DDB2: variants seen among roughly 807,000 people sequenced by gnomAD.
DDB2 encodes DNA damage-binding protein 2.
In DDB2, 27 loss-of-function variants were observed where a neutral mutation model predicts 50.5. The ratio of observed to expected loss-of-function variants is 0.53; its 90% CI spans 0.39 to 0.74. The LOEUF is 0.74. Ranked by LOEUF, DDB2 falls within the 30% of genes least tolerant of loss-of-function variation. The pLI is 0.00. For synonymous variants in DDB2, 176 were observed against 205.5 expected, an observed-to-expected ratio of 0.86 and a Z score of 1.23; for missense variants, 424 against 545.6, an observed-to-expected ratio of 0.78 and a Z score of 2.22.
chr11:47,232,031 AG>A (rs1415951406), intron 3 of DDB2, among the ~76,000 whole-genome samples: 1 of 152,100 alleles, frequency 6.6e-6, no homozygotes, highest in Non-Finnish European at 1.5e-5. Flanking sequence ...TAAAAAAAAA[AG>A]TAAAAATAAA....
In DDB2 at chr11:47,235,356, C is replaced by T. The variant is rs746711900; in HGVS notation, c.967C>T (p.Pro323Ser). 6.2e-7 allele frequency: 1 copy of T among 1,613,954 alleles called. No individual in the cohort carries two copies. The highest frequency in any genetic ancestry group is 8.5e-7 in the Non-Finnish European group (1 of 1,180,032). The change falls in exon 7 of 10, where the codon CCC becomes TCC. Residue 323 changes from proline to serine, a missense_variant. By Grantham distance (74) the Pro-to-Ser change is moderately conservative. Coordinates refer to ENST00000256996, the MANE Select transcript of DDB2 (RefSeq NM_000107.3). ...RVYSASQWDC[P>S]LGLIPHPHRH... Reference sequence around the variant, plus strand: ...TTACTCTGCTTCCCAGTGGGACTGCCCCCTGGGCCTGATCCCGCACCCTCA... The same window carrying T: ...TTACTCTGCTTCCCAGTGGGACTGCTCCCTGGGCCTGATCCCGCACCCTCA...
rs1158379835 is a variant in DDB2, at chr11:47,235,222, A to C, written c.881-48A>C. On this transcript the variant is annotated intron_variant, in intron 6 of 9. Coordinates refer to ENST00000256996, the MANE Select transcript of DDB2 (RefSeq NM_000107.3). ...GGAGAAGGCCTGCAAGGCCAGGACC[A>C]CAGAGGGCTTGTGGTTCCTTCAGCT... The C allele has an allele frequency of 6.2e-6, 10 of 1,613,934 alleles. 1 individual carries two copies. The highest frequency in any genetic ancestry group is 3.3e-4 in the Middle Eastern group (2 of 6,084).
chr11:47,227,659 G>A (rs988126923), intron 3 of DDB2, among the ~76,000 whole-genome samples: 5 of 151,960 alleles, frequency 3.3e-5, no homozygotes, highest in South Asian at 4.2e-4. Flanking sequence ...CCACCACCAC[G>A]CCCAGCTGGC....
Position 47,217,026 on chromosome 11 carries a change from G to A in DDB2, c.433G>A (p.Asp145Asn), listed in dbSNP as rs1953409342. ...CATGCTCTGGAATTTTGGCATCAAG[G>A]ACAAACCCACCTTCATCAAAGGGGT... ...DIMLWNFGIKDKPTFIKGIGA... is the reference protein window; with the variant it reads ...DIMLWNFGIKNKPTFIKGIGA... Residue 145 changes from aspartate to asparagine, a missense_variant, in exon 3 of 10, where the codon GAC becomes AAC. Asp to Asn is a conservative substitution (Grantham distance 23). Coordinates refer to ENST00000256996, the MANE Select transcript of DDB2 (RefSeq NM_000107.3). The A allele has an allele frequency of 6.2e-7, 1 of 1,614,052 alleles. No homozygotes were observed. Among genetic ancestry groups the A allele is most frequent in the Non-Finnish European group, 8.5e-7 (1 of 1,179,998 alleles).
At chr11:47,229,088 A>C (rs1317029811) in intron 3 of DDB2, among the ~76,000 whole-genome samples, 1 of 151,744 alleles carries the variant, frequency 6.6e-6, no homozygotes, top group Non-Finnish European at 1.5e-5. Flanking sequence ...AGGTAGGATC[A>C]AGCAAGATAG....
rs201525567 is a variant in DDB2, at chr11:47,234,642, C to T, written c.672C>T (p.Asn224=). 7 of 1,614,028 alleles carry T rather than the reference C, an allele frequency of 4.3e-6. No individual in the cohort carries two copies. Among genetic ancestry groups the T allele is most frequent in the South Asian group, 1.1e-5 (1 of 91,090 alleles). The part of the protein sequence containing the change: ...RMVVTGDNVG[N]VILLNMDGKE... ...TGGTCACAGGAGACAACGTGGGGAA[C>T]GTGATCCTGCTGAACATGGACGGCA... The change falls in exon 5 of 10, where the codon AAC becomes AAT. Residue 224 remains asparagine (N), a synonymous_variant. Transcript: ENST00000256996.
At chr11:47,214,962 G>A, upstream of DDB2, 1 of 885,734 alleles carries the variant, frequency 1.1e-6, no homozygotes, top group East Asian at 2.6e-5. Flanking sequence ...GGTGGGGCCG[G>A]AGCTCCAAGC....
chr11:47,225,799 A>C (rs1158097338), intron 3 of DDB2, among the ~76,000 whole-genome samples: 1 of 152,154 alleles, frequency 6.6e-6, no homozygotes, highest in Non-Finnish European at 1.5e-5. Context: ...TGGCAACCAC[A>C]GTACTACTTT....
intron 3 of DDB2, among the ~76,000 whole-genome samples, chr11:47,228,642 CAA>C (rs61273211): frequency 5.7e-4 from 38 of 66,890 alleles, no homozygotes; most frequent in Admixed American, 1.1e-3. Context: ...GACTCTGTCT[CAA>C]AAAAAAAAAA....
rs1953704964 is a variant in DDB2 at position 47,235,046 on chromosome 11, T to C, written c.880+112T>C. 2.9e-6 allele frequency: 4 copies of C among 1,364,676 alleles called. No individual in the cohort carries two copies. The South Asian group carries it at 3.7e-5, about 12-fold the overall frequency. 84.5% of individuals were successfully genotyped at this position (1,364,676 alleles called of 1,614,324 possible). The stretch of plus-strand genomic sequence containing the variant: ...TCAAACCTTTACCCCTGATAGCGTC[T>C]GCCAAGCTGATGTCTGGGAACCTTT... On this transcript the variant is annotated intron_variant, in intron 6 of 9. Coordinates refer to ENST00000256996, the MANE Select transcript of DDB2 (RefSeq NM_000107.3).
intron 3 of DDB2, among the ~76,000 whole-genome samples, chr11:47,223,709 G>A (rs1765357368): frequency 6.6e-6 from 1 of 152,134 alleles, no homozygotes; most frequent in Admixed American, 6.5e-5. Flanking sequence ...GTGAACCCAG[G>A]AGGCAGAGCT....
In DDB2 at chr11:47,237,395, A is replaced by G. The variant is rs1953742227; in HGVS notation, c.1024-442A>G. The stretch of plus-strand genomic sequence containing the variant: ...ATTCTTGTAGTTTTCTGTAAGACTT[A>G]TCTCCATTATTAGGTTGGCTTGTTA... On this transcript the variant is annotated intron_variant, in intron 7 of 9. Transcript: ENST00000256996. Among the ~76,000 whole-genome samples the G allele has an allele frequency of 2.0e-5, 3 of 150,366 alleles. No individual in the cohort carries two copies. In the South Asian group the frequency reaches 6.3e-4, roughly 31 times the overall value.
chr11:47,216,343 CAGA>C lies in DDB2; in HGVS notation c.139_141del (p.Arg47del), dbSNP rs1216405076. On this transcript the variant is annotated inframe_deletion, in exon 2 of 10. Coordinates refer to ENST00000256996, the MANE Select transcript of DDB2 (RefSeq NM_000107.3). ...GTCTGTTCTGCTTGGCAGGTCCTAG[CAGA>C]AGATGTGACTCAGACTGCCTCTGGG... 13 of 1,614,036 alleles carry C rather than the reference CAGA, an allele frequency of 8.1e-6. No homozygotes were observed. The highest frequency in any genetic ancestry group is 1.6e-4 in the Middle Eastern group (1 of 6,084).
At chr11:47,214,718 C>T (rs1265918147), upstream of DDB2, 19 of 323,724 alleles carry the variant, frequency 5.9e-5, no homozygotes, top group East Asian at 3.1e-4. Flanking sequence ...CTGCACTGAG[C>T]TATGATCGCC....
chr11:47,215,904 C>A, intron 1 of DDB2: 1 of 308,940 alleles, frequency 3.2e-6, no homozygotes. Context: ...ATTTCCAGGC[C>A]TTCCTATTCC....
chr11:47,233,169 G>C, intron 4 of DDB2: 1 of 628,680 alleles, frequency 1.6e-6, no homozygotes, highest in Non-Finnish European at 2.9e-6. Flanking sequence ...AGGTGTTCTG[G>C]AGCCTCAGCT....
At chr11:47,229,343 G>T (rs1953609927) in intron 3 of DDB2, among the ~76,000 whole-genome samples, 1 of 152,182 alleles carries the variant, frequency 6.6e-6, no homozygotes, top group Admixed American at 6.6e-5. Context: ...GGGTGGCGGA[G>T]TCAAGTGGGG....
Position 47,234,881 on chromosome 11 carries a change from G to A in DDB2, c.827G>A (p.Arg276Lys), listed in dbSNP as rs748644904. Residue 276 changes from arginine to lysine, a missense_variant, in exon 6 of 10, where the codon AGA becomes AAA. Coordinates refer to ENST00000256996, the MANE Select transcript of DDB2 (RefSeq NM_000107.3). ...TVKIWDLRQVRGKASFLYSLP... is the reference protein window; with the variant it reads ...TVKIWDLRQVKGKASFLYSLP... The stretch of plus-strand genomic sequence containing the variant: ...AAAATTTGGGACCTGCGCCAGGTTA[G>A]AGGGAAAGCCAGCTTCCTCTACTCG... 1 of 1,614,126 alleles carries A rather than the reference G, an allele frequency of 6.2e-7. No homozygotes were observed. The highest frequency in any genetic ancestry group is 8.5e-7 in the Non-Finnish European group (1 of 1,180,054).
rs1185811620 is a variant in DDB2, at chr11:47,238,162, G to C, written c.1213G>C (p.Asp405His). The C allele has an allele frequency of 2.5e-6, 4 of 1,611,880 alleles. No homozygotes were observed. Among genetic ancestry groups the C allele is most frequent in the African/African-American group, 2.7e-5 (2 of 74,910 alleles). The change falls in exon 9 of 10, where the codon GAC becomes CAC. Residue 405 changes from aspartate to histidine, a missense_variant. Physicochemically the swap from Asp to His is moderately conservative, Grantham distance 81 (BLOSUM62 -1). Transcript: ENST00000256996. ...SSLNEFNPMG[D>H]TLASAMGYHI... is the part of the protein sequence containing the mutation. The stretch of plus-strand genomic sequence containing the variant: ...GCTTAATGAATTCAATCCCATGGGG[G>C]ACACGCTGGCCTCTGCAATGGGTGA...
Sources: allele counts gnomAD v4.1 joint callset (sites outside exome capture counted in the v4.1 genomes callset), GRCh38; gene constraint gnomAD v4.1.1; transcripts MANE v1.5; gene names NCBI Gene and HGNC (gene_info 2026-07-23, HGNC 2026-07-21).